The following INSL6 variants were observed in gnomAD, a reference collection of about 807,000 sequenced individuals.
The protein encoded by INSL6 is insulin-like peptide INSL6.
INSL6 carries 16 observed loss-of-function variants against 9.4 expected under a neutral mutation model. That is an observed-to-expected ratio of 1.70 (90% CI 1.15 to 2.59). The LOEUF (loss-of-function observed/expected upper bound fraction) is 2.59, where lower values mean the gene tolerates loss of function less well. Ranked by LOEUF, INSL6 falls within the 30% of genes most tolerant of loss-of-function variation. The pLI is 0.00. For synonymous variants in INSL6, 154 were observed against 96.9 expected (o/e 1.59, Z -3.46); for missense variants, 391 against 257.3 (o/e 1.52, Z -3.56).
chr9:5,112,204 A>G, the INSL6 span: 1 of 272,118 alleles, frequency 3.7e-6, no homozygotes, highest in South Asian at 3.3e-5. Context: ...CGCCGGCCCC[A>G]TGCTGCTGGT....
At chr9:5,113,865 C>G in the INSL6 span, 2 of 209,582 alleles carry the variant, frequency 9.5e-6, no homozygotes, top group East Asian at 1.6e-4. Context: ...CCAGGGACTT[C>G]ACCCTCCCCA....
the INSL6 span, among the ~76,000 whole-genome samples, chr9:5,050,285 T>C: frequency 1.3e-5 from 2 of 152,210 alleles, no homozygotes; most frequent in African/African-American, 4.8e-5. Flanking sequence ...GAGGAATTTA[T>C]GCCATTTATT....
intron 1 of INSL6, among the ~76,000 whole-genome samples, chr9:5,171,280 T>C (rs1825175422): frequency 6.6e-6 from 1 of 152,182 alleles, no homozygotes; most frequent in Non-Finnish European, 1.5e-5. Flanking sequence ...TTCCATAAAA[T>C]TCAACATCCC....
intron 1 of INSL6, among the ~76,000 whole-genome samples, chr9:5,169,444 C>T (rs1300559758): frequency 2.6e-5 from 4 of 152,168 alleles, no homozygotes; most frequent in African/African-American, 9.6e-5. Context: ...AGACCAGTGA[C>T]ACTATGAAGC....
At chr9:5,154,370 G>C (rs58141979) in intron 2 of INSL6, among the ~76,000 whole-genome samples, 5 of 151,376 alleles carry the variant, frequency 3.3e-5, no homozygotes, top group East Asian at 3.9e-4. Context: ...CATAAAAACT[G>C]TAGAAGAAAA....
At chr9:5,042,399 A>G in the INSL6 span, among the ~76,000 whole-genome samples, 1 of 150,876 alleles carries the variant, frequency 6.6e-6, no homozygotes, top group Non-Finnish European at 1.5e-5. Flanking sequence ...GGCCTCCCAA[A>G]GTGCTGGGAT....
intron 1 of INSL6, among the ~76,000 whole-genome samples, chr9:5,171,946 A>G (rs1244341377): frequency 6.6e-6 from 1 of 152,190 alleles, no homozygotes; most frequent in Non-Finnish European, 1.5e-5. Flanking sequence ...TTCCCATCTA[A>G]CTACCATCGA....
chr9:5,051,226 G>A, the INSL6 span, among the ~76,000 whole-genome samples: 15 of 152,150 alleles, frequency 9.9e-5, no homozygotes, highest in Non-Finnish European at 1.8e-4. Flanking sequence ...ATTATTTAAA[G>A]AGTTGTACTA....
intron 1 of INSL6, among the ~76,000 whole-genome samples, chr9:5,172,614 G>GA (rs1340010105): frequency 6.6e-6 from 1 of 152,082 alleles, no homozygotes; most frequent in East Asian, 1.9e-4. Context: ...AAATTTACAA[G>GA]AAAAAACAAA....
the INSL6 span, among the ~76,000 whole-genome samples, chr9:5,017,628 TC>T: frequency 6.6e-6 from 1 of 152,226 alleles, no homozygotes; most frequent in Non-Finnish European, 1.5e-5. Context: ...GCTATAAACT[TC>T]CCTCTTATAA....
At chr9:5,028,479 C>G in the INSL6 span, among the ~76,000 whole-genome samples, 1 of 152,202 alleles carries the variant, frequency 6.6e-6, no homozygotes, top group Non-Finnish European at 1.5e-5. Context: ...TTGGCTTCAA[C>G]TAAAAGTCAC....
chr9:5,159,861 C>T (rs984699417), downstream of INSL6, among the ~76,000 whole-genome samples: 2 of 152,178 alleles, frequency 1.3e-5, no homozygotes, highest in Non-Finnish European at 1.5e-5. Flanking sequence ...CCTCAGCATG[C>T]GGCTCATCCT....
At chr9:5,028,875 C>G in the INSL6 span, among the ~76,000 whole-genome samples, 1 of 152,226 alleles carries the variant, frequency 6.6e-6, no homozygotes. Flanking sequence ...AATATTGTGG[C>G]TGGTTTGATC....
At chr9:5,112,621 G>A in the INSL6 span, 1 of 954,340 alleles carries the variant, frequency 1.0e-6, no homozygotes, top group Non-Finnish European at 1.5e-6. Flanking sequence ...TGTGGCAACT[G>A]CACCTCAACA....
chr9:5,175,621 T>C (rs62541958), intron 1 of INSL6, among the ~76,000 whole-genome samples: 34,201 of 152,062 alleles, frequency 0.22, 4,555 homozygotes, highest in South Asian at 0.3. Flanking sequence ...CAAAGCTTCA[T>C]CTATATTTAC....
At chr9:5,091,032 G>T in the INSL6 span, 2 of 760,320 alleles carry the variant, frequency 2.6e-6, no homozygotes, top group Non-Finnish European at 2.0e-6. Flanking sequence ...AGTCTTTTAA[G>T]TCTTACATTT....
chr9:5,131,465 T>C, intron 3 of INSL6, among the ~76,000 whole-genome samples: 2 of 124,080 alleles, frequency 1.6e-5, no homozygotes, highest in South Asian at 5.2e-4. Flanking sequence ...GAGACAGAGT[T>C]TTGCTCTTGT....
chr9:5,089,912 A>T, the INSL6 span: 2 of 1,259,536 alleles, frequency 1.6e-6, no homozygotes, highest in Non-Finnish European at 2.1e-6. Context: ...TGTGTTTGGC[A>T]TCCTGTGTAA....
the INSL6 span, among the ~76,000 whole-genome samples, chr9:5,060,912 C>T: frequency 2.6e-4 from 40 of 152,316 alleles, no homozygotes; most frequent in Middle Eastern, 0.01. Context: ...TACTCCTTGA[C>T]CCATGGGCTA....
Sources: gnomAD v4.1 joint callset for allele counts (sites outside exome capture counted in the v4.1 genomes callset) on GRCh38, gnomAD v4.1.1 for gene constraint, MANE v1.5 for transcripts, NCBI Gene and HGNC (gene_info 2026-07-23, HGNC 2026-07-21) for gene names.